Variants in FER observed in about 807,000 individuals in gnomAD.
FER encodes tyrosine-protein kinase Fer.
Under a neutral mutation model 111.0 loss-of-function variants are expected in FER, and 63 were observed. That is an observed-to-expected ratio of 0.57 (90% confidence interval 0.46 to 0.70). FER has a LOEUF of 0.70. Among genes scored for constraint, FER ranks in the 30% least tolerant of loss-of-function variants. The pLI, the probability that FER is intolerant of heterozygous loss-of-function variation, is 0.00. For missense variants in FER, 914 were observed against 954.0 expected, an observed-to-expected ratio of 0.96 and a Z score of 0.55; for synonymous variants, 327 against 313.9, an observed-to-expected ratio of 1.04 and a Z score of -0.44.
intron 16 of FER, among the ~76,000 whole-genome samples, chr5:109,085,782 T>C (rs1369538928): frequency 6.6e-6 from 1 of 151,780 alleles, no homozygotes; most frequent in African/African-American, 2.4e-5. Flanking sequence ...TGAATTTGTT[T>C]AATGCTTTCC....
rs189212837 is a variant in FER, at chr5:109,142,117, A to G, written c.2049-38630A>G. Among the ~76,000 whole-genome samples the G allele has an allele frequency of 3.9e-5, 6 of 152,240 alleles. No homozygotes were observed. In the East Asian group the frequency reaches 1.2e-3, roughly 29 times the overall value. On this transcript the variant is annotated intron_variant, in intron 17 of 19. Transcript: ENST00000281092. ...GGCTCAGGAAGAAAAGGCATTCATA[A>G]TCTCATTTAAGAGGGTGAAGATAGA...
Position 109,168,559 on chromosome 5 carries a change from G to C in FER, c.2049-12188G>C, listed in dbSNP as rs375587158. On this transcript the variant is annotated intron_variant, in intron 17 of 19. Coordinates refer to ENST00000281092, the MANE Select transcript of FER (RefSeq NM_005246.4). ...GCTAAAGATGAGGGAGGTGCTGGAGGGTGGTGCACCCAGAGAGGGCATGGA... is the reference window on the plus strand; with the variant it reads ...GCTAAAGATGAGGGAGGTGCTGGAGCGTGGTGCACCCAGAGAGGGCATGGA... 3.9e-5 allele frequency among the ~76,000 whole-genome samples: 6 copies of C among 152,228 alleles called. No individual in the cohort carries two copies. In the South Asian group the frequency reaches 1.0e-3, roughly 26 times the overall value.
intron 16 of FER, among the ~76,000 whole-genome samples, chr5:109,060,630 G>A (rs1774271387): frequency 6.6e-6 from 1 of 152,102 alleles, no homozygotes; most frequent in Non-Finnish European, 1.5e-5. Flanking sequence ...GTTGCAGTGA[G>A]CTGAGATTGC....
chr5:109,187,704 G>A lies in FER; in HGVS notation c.*129G>A, dbSNP rs1390372190. ...CTTCTACCATTATTTTTTATTAACT[G>A]GGTGTTTTAAAAGTACGTTCCACTT... On this transcript the variant is annotated 3_prime_UTR_variant, in exon 20 of 20. Transcript: ENST00000281092. The A allele has an allele frequency of 8.4e-7, 1 of 1,197,240 alleles. No individual in the cohort carries two copies. Among genetic ancestry groups the A allele is most frequent in the African/African-American group, 1.6e-5 (1 of 64,376 alleles). The allele number at this position is 1,197,240 out of a possible 1,614,324, so 74.2% of individuals were successfully genotyped here.
At chr5:108,978,750 G>GC (rs1761692313) in intron 13 of FER, among the ~76,000 whole-genome samples, 1 of 152,080 alleles carries the variant, frequency 6.6e-6, no homozygotes, top group South Asian at 2.1e-4. Flanking sequence ...TGTACATGAA[G>GC]CCCAAAACGA....
intron 3 of FER, chr5:108,820,655 G>A (rs1758739335): frequency 4.7e-6 from 2 of 424,064 alleles, no homozygotes; most frequent in Non-Finnish European, 6.3e-6. Flanking sequence ...CCGTAACTGA[G>A]CTAATGCAGC....
At chr5:109,184,415 T>C (rs915540562) in intron 18 of FER, among the ~76,000 whole-genome samples, 6 of 152,108 alleles carry the variant, frequency 3.9e-5, no homozygotes, top group African/African-American at 1.4e-4. Context: ...TATACAATTG[T>C]AAGTTACTCT....
intron 5 of FER, among the ~76,000 whole-genome samples, chr5:108,852,890 C>T (rs1332062322): frequency 2.0e-5 from 3 of 152,100 alleles, no homozygotes; most frequent in Non-Finnish European, 2.9e-5. Context: ...TCTCATTAAA[C>T]ACTGAAATAT....
chr5:109,019,736 C>T (rs1016600898), intron 13 of FER, among the ~76,000 whole-genome samples: 1 of 151,788 alleles, frequency 6.6e-6, no homozygotes, highest in Non-Finnish European at 1.5e-5. Flanking sequence ...TTTCTTCTAG[C>T]ATTCTTCCCT....
chr5:108,900,714 G>C (rs1052931453), intron 10 of FER, among the ~76,000 whole-genome samples: 1 of 152,168 alleles, frequency 6.6e-6, no homozygotes, highest in Non-Finnish European at 1.5e-5. Flanking sequence ...TTCTGTAGAA[G>C]AGTGCTTTAA....
intron 3 of FER, chr5:108,820,040 G>A: frequency 1.0e-6 from 1 of 985,344 alleles, no homozygotes; most frequent in Non-Finnish European, 1.2e-6. Context: ...CATGGAAAGG[G>A]AATGGGAAAG....
intron 16 of FER, among the ~76,000 whole-genome samples, chr5:109,055,262 T>C (rs1171265400): frequency 6.6e-6 from 1 of 152,152 alleles, no homozygotes; most frequent in Non-Finnish European, 1.5e-5. Flanking sequence ...GGTGATGATT[T>C]TTTGGATATT....
intron 16 of FER, among the ~76,000 whole-genome samples, chr5:109,073,879 G>T (rs1388339188): frequency 3.3e-5 from 5 of 152,052 alleles, no homozygotes; most frequent in Non-Finnish European, 7.4e-5. Context: ...GTAACAAATT[G>T]TTAAACTCTT....
In FER at chr5:108,971,331, G is replaced by T. The variant is rs1205691719; in HGVS notation, c.1656+11984G>T. ...AAAGAAAGAAATTCTCAGTACTGGA[G>T]AAAAATAAGTAATGGTAGGAATTCA... On this transcript the variant is annotated intron_variant, in intron 13 of 19. Transcript: ENST00000281092. 4.1e-5 allele frequency among the ~76,000 whole-genome samples: 6 copies of T among 146,336 alleles called. No individual in the cohort carries two copies. In the South Asian group the frequency reaches 6.5e-4, roughly 16 times the overall value.
intron 17 of FER, among the ~76,000 whole-genome samples, chr5:109,159,994 A>G (rs995222369): frequency 5.3e-5 from 8 of 152,194 alleles, no homozygotes; most frequent in Admixed American, 1.3e-4. Context: ...GGGGATCCCA[A>G]CTTAAACCTT....
At chr5:108,900,412 T>C (rs556585989) in intron 10 of FER, among the ~76,000 whole-genome samples, 2 of 152,330 alleles carry the variant, frequency 1.3e-5, no homozygotes, top group South Asian at 4.1e-4. Flanking sequence ...AATGACTGTT[T>C]AAGCATTGCT....
chr5:109,110,805 A>G (rs564900851), intron 17 of FER, among the ~76,000 whole-genome samples: 15 of 152,186 alleles, frequency 9.9e-5, no homozygotes, highest in African/African-American at 3.6e-4. Flanking sequence ...AATTCTAACA[A>G]TTTTAACGTA....
chr5:108,826,388 G>A (rs555086157), intron 3 of FER, among the ~76,000 whole-genome samples: 13 of 152,084 alleles, frequency 8.5e-5, no homozygotes, highest in African/African-American at 2.4e-4. Context: ...AGGGATATTG[G>A]CTTGTAATTT....
intron 14 of FER, among the ~76,000 whole-genome samples, chr5:109,042,131 A>G (rs991490851): frequency 1.6e-4 from 25 of 152,132 alleles, no homozygotes; most frequent in African/African-American, 5.8e-4. Context: ...AAATAGAAGT[A>G]TGCTGAATCT....
Sources: allele counts gnomAD v4.1 joint callset (sites outside exome capture counted in the v4.1 genomes callset), GRCh38; gene constraint gnomAD v4.1.1; transcripts MANE v1.5; gene names NCBI Gene and HGNC (gene_info 2026-07-23, HGNC 2026-07-21).